Variants in CP observed in about 807,000 individuals in gnomAD.
CP encodes the protein caeruloplasmin.
CP carries 64 observed loss-of-function variants against 122.4 expected under a neutral mutation model. That is an observed-to-expected ratio of 0.52 (90% CI 0.43 to 0.64). CP has a LOEUF of 0.64. CP is among the 30% of genes least tolerant of loss of function. The probability of loss-of-function intolerance (pLI) is 0.00; values close to 1 mark genes in which losing one functional copy is unlikely to be tolerated. For synonymous variants in CP, 440 were observed against 436.4 expected (o/e 1.01, Z -0.10); for missense variants, 1,167 against 1,284.4 (o/e 0.91, Z 1.40).
chr3:149,199,602 G>C (rs1381842775), intron 8 of CP, 110 bp downstream of exon 8: 1 of 1,253,914 alleles, frequency 8.0e-7, no homozygotes, highest in Non-Finnish European at 1.2e-6. Flanking sequence ...AATGATATAT[G>C]AGCGGTTTCC....
At chr3:149,214,853 A>G (rs866732539) in intron 1 of CP, among the ~76,000 whole-genome samples, 19 of 152,290 alleles carry the variant, frequency 1.2e-4, no homozygotes, top group Middle Eastern at 3.4e-3. Context: ...AAAAGCAGAG[A>G]GTCATTCAGT....
At chr3:149,206,677 A>G (rs537312892) in intron 5 of CP, among the ~76,000 whole-genome samples, 7 of 152,268 alleles carry the variant, frequency 4.6e-5, no homozygotes, top group African/African-American at 1.7e-4. Flanking sequence ...AGGCTTTGAC[A>G]TATTTTAAGG....
chr3:149,215,716 A>T (rs1728422543), intron 1 of CP, among the ~76,000 whole-genome samples: 2 of 152,246 alleles, frequency 1.3e-5, no homozygotes. Context: ...GAAGTTTGCC[A>T]GTTAGATATT....
At position 149,209,261 on chromosome 3, in the gene CP, T is replaced by C; in HGVS notation, c.731A>G (p.Glu244Gly). 6.2e-7 allele frequency: 1 copy of C among 1,613,836 alleles called. No individual in the cohort carries two copies. The highest frequency in any genetic ancestry group is 8.5e-7 in the Non-Finnish European group (1 of 1,179,768). ...DNIKTYCSEP[E>G]KVDKDNEDFQ... ...GTCTTCGTTGTCTTTGTCAACTTTC[T>C]CTGGTTCTGAGCAGTAGGTTTTAAT... Residue 244 changes from glutamate to glycine, a missense_variant, in exon 4 of 19, where the codon GAG becomes GGG. Glu to Gly is a moderately conservative substitution (Grantham distance 98, BLOSUM62 -2). Around this residue, in one of 2 missense-constraint regions of CP, gnomAD observed 642 missense variants for 627.3 expected, o/e 1.02. Coordinates refer to ENST00000264613, the MANE Select transcript of CP (RefSeq NM_000096.4).
At chr3:149,182,258 A>G (rs1725837584) in intron 13 of CP, 125 bp from the exon 14 acceptor site, 1 of 1,048,550 alleles carries the variant, frequency 9.5e-7, no homozygotes. Flanking sequence ...TTGGATTTAT[A>G]CTGCGTCCCA....
At chr3:149,162,829 C>A (rs778009938) in exon 6 of CP, 2 of 1,613,988 alleles carry the variant, frequency 1.2e-6, no homozygotes, top group South Asian at 2.2e-5. Context: ...TGGAGATTGT[C>A]TAAGAGGCAG....
chr3:149,210,151 T>A lies in CP; in HGVS notation c.607+16A>T, dbSNP rs1366507543. Reference sequence around the variant, plus strand: ...TCTTTTGGTCATATAGCATGTGCAATAAGGAGAAGATGTACCTTTTTTACA... The same window carrying A: ...TCTTTTGGTCATATAGCATGTGCAAAAAGGAGAAGATGTACCTTTTTTACA... On this transcript the variant is annotated intron_variant, in intron 3 of 18. Coordinates refer to ENST00000264613, the MANE Select transcript of CP (RefSeq NM_000096.4). The A allele has an allele frequency of 6.2e-7, 1 of 1,612,484 alleles. No individual in the cohort carries two copies.
chr3:149,212,355 A>T, intron 2 of CP, 96 bp downstream of exon 2: 2 of 1,323,374 alleles, frequency 1.5e-6, no homozygotes, highest in Non-Finnish European at 2.1e-6. Context: ...TGGCAGTTAT[A>T]TGTCTTATCC....
At position 149,177,833 on chromosome 3, in the gene CP, C is replaced by T; in HGVS notation, c.3018+7G>A. On this transcript the variant is annotated splice_region_variant and intron_variant, in intron 17 of 18. Transcript: ENST00000264613. ...GAGCAAGAGTAATTGCCATGGATAG[C>T]TCTTACCTTGTATTGGAAGCTATGG... The T allele has an allele frequency of 6.2e-7, 1 of 1,613,420 alleles. No individual in the cohort carries two copies. The highest frequency in any genetic ancestry group is 1.1e-5 in the South Asian group (1 of 91,082).
rs151137370 is a variant in CP at position 149,182,051 on chromosome 3, G to T, written c.2508C>A (p.Ala836=). ...TAGAACTCTCTGTTTGTACCCCATG[G>T]GCATGTATTGAGTAGGGCCTTGTGG... The part of the protein sequence containing the change: ...NMATRPYSIH[A]HGVQTESSTV... The change falls in exon 14 of 19, where the codon GCC becomes GCA. Residue 836 remains alanine, a synonymous_variant. Coordinates refer to ENST00000264613, the MANE Select transcript of CP (RefSeq NM_000096.4). The T allele has an allele frequency of 6.3e-6, 10 of 1,599,000 alleles. No individual in the cohort carries two copies. Among genetic ancestry groups the T allele is most frequent in the Non-Finnish European group, 8.5e-6 (10 of 1,175,064 alleles).
At chr3:149,171,233 G>A (rs576407711), downstream of CP, among the ~76,000 whole-genome samples, 13 of 151,758 alleles carry the variant, frequency 8.6e-5, no homozygotes, top group South Asian at 6.2e-4. Flanking sequence ...AGCTGAGATC[G>A]CACCACTGCA....
chr3:149,212,485 A>ATGAAAGGTG lies in CP; in HGVS notation c.351_359dup (p.Thr118_His120dup). 1 of 1,613,998 alleles carries ATGAAAGGTG rather than the reference A, an allele frequency of 6.2e-7. No homozygotes were observed. Among genetic ancestry groups the ATGAAAGGTG allele is most frequent in the Non-Finnish European group, 8.5e-7 (1 of 1,179,932 alleles). On this transcript the variant is annotated inframe_insertion, in exon 2 of 19. Transcript: ENST00000264613. ...CCTTATAGTAAGTTATTCCATGTGAATGAAAGGTGTAGGGCCTAGAGGCAA... is the reference window on the plus strand; with the variant it reads ...CCTTATAGTAAGTTATTCCATGTGAATGAAAGGTGTGAAAGGTGTAGGGCCTAGAGGCAA...
intron 7 of CP, among the ~76,000 whole-genome samples, chr3:149,201,742 C>A (rs567621261): frequency 2.0e-5 from 3 of 151,864 alleles, no homozygotes; most frequent in Admixed American, 6.6e-5. Context: ...ATTACAGGTA[C>A]GTGCCACCAC....
chr3:149,170,271 A>G (rs1031306383), downstream of CP, among the ~76,000 whole-genome samples: 1 of 152,214 alleles, frequency 6.6e-6, no homozygotes, highest in Non-Finnish European at 1.5e-5. Flanking sequence ...TGTTGACTCT[A>G]TAACAACTCC....
intron 6 of CP, among the ~76,000 whole-genome samples, chr3:149,203,917 G>T (rs1241619727): frequency 6.6e-6 from 1 of 152,152 alleles, no homozygotes; most frequent in Admixed American, 6.5e-5. Context: ...CAGTGAAGAG[G>T]CCACAAAGAC....
intron 4 of CP, 35 bp from the exon 5 acceptor site, chr3:149,207,652 C>A: frequency 6.2e-7 from 1 of 1,611,342 alleles, no homozygotes; most frequent in South Asian, 1.1e-5. Context: ...GACTAAGAGT[C>A]ATTAATGCTT....
At chr3:149,179,334 C>T (rs1393472062) in intron 15 of CP, among the ~76,000 whole-genome samples, 1 of 152,082 alleles carries the variant, frequency 6.6e-6, no homozygotes, top group Non-Finnish European at 1.5e-5. Context: ...TCTAAACTTC[C>T]CAAATATCTT....
intron 13 of CP, 61 bp downstream of exon 13, chr3:149,183,405 G>A: frequency 1.3e-6 from 2 of 1,549,964 alleles, no homozygotes; most frequent in South Asian, 1.1e-5. Context: ...TGAATTGACG[G>A]TTACTGCAGG....
chr3:149,169,441 G>A (rs748617628), downstream of CP, among the ~76,000 whole-genome samples: 1 of 152,182 alleles, frequency 6.6e-6, no homozygotes, highest in Non-Finnish European at 1.5e-5. Flanking sequence ...ATTGCAAGAG[G>A]GAGAGGTTGG....
Sources: allele counts gnomAD v4.1 joint callset (sites outside exome capture counted in the v4.1 genomes callset), GRCh38; gene constraint gnomAD v4.1.1; regional missense constraint gnomAD v4.1.1; transcripts MANE v1.5; gene names NCBI Gene and HGNC (gene_info 2026-07-23, HGNC 2026-07-21).